The following NTRK2 variants were observed in gnomAD, a reference collection of about 807,000 sequenced individuals.
NTRK2 encodes neurotrophic receptor tyrosine kinase 2.
NTRK2 carries 13 observed loss-of-function variants against 94.5 expected under a neutral mutation model. That is an observed-to-expected ratio of 0.14 (90% CI 0.09 to 0.22). NTRK2 has a LOEUF of 0.22. Ranked by LOEUF, NTRK2 falls within the 10% of genes least tolerant of loss-of-function variation. The probability of loss-of-function intolerance (pLI) is 1.00; values close to 1 mark genes in which losing one functional copy is unlikely to be tolerated. For synonymous variants in NTRK2, 372 were observed against 407.4 expected (o/e 0.91, Z 1.05); for missense variants, 639 against 1,071.2 (o/e 0.60, Z 5.63).
chr9:84,778,767 C>T (rs1420119634), intron 12 of NTRK2, among the ~76,000 whole-genome samples: 1 of 152,202 alleles, frequency 6.6e-6, no homozygotes, highest in Admixed American at 6.5e-5. Context: ...TGTGCAGTTC[C>T]CGCTGGTGGA....
rs75430088 is a variant in NTRK2, at chr9:84,736,602, C to G, written c.1160-5290C>G. Among the ~76,000 whole-genome samples, 1,463 of 152,276 alleles carry G rather than the reference C, an allele frequency of 9.6e-3. 21 individuals are homozygous for G. Among genetic ancestry groups the G allele is most frequent in the African/African-American group, 0.033 (1,391 of 41,552 alleles). The stretch of plus-strand genomic sequence containing the variant: ...GGAGGTGAAGGAGAGAAATTTATGT[C>G]TGCTTTTCTGCCTTAAATAACTGAG... On this transcript the variant is annotated intron_variant, in intron 9 of 18. Coordinates refer to ENST00000277120, the MANE Select transcript of NTRK2 (RefSeq NM_006180.6).
chr9:84,783,329 A>T (rs893733652), intron 12 of NTRK2, among the ~76,000 whole-genome samples: 1 of 152,052 alleles, frequency 6.6e-6, no homozygotes, highest in Non-Finnish European at 1.5e-5. Context: ...ATGGTTTTGG[A>T]CTCTAAACAG....
At chr9:84,847,162 A>G (rs928898481) in intron 12 of NTRK2, among the ~76,000 whole-genome samples, 1 of 152,224 alleles carries the variant, frequency 6.6e-6, no homozygotes, top group African/African-American at 2.4e-5. Flanking sequence ...CCTGTCAAAC[A>G]TGCCTTTGAA....
At chr9:84,674,625 C>T (rs571685115) in intron 2 of NTRK2, among the ~76,000 whole-genome samples, 14 of 152,272 alleles carry the variant, frequency 9.2e-5, no homozygotes, top group Middle Eastern at 3.4e-3. Flanking sequence ...ATTTGGAGCA[C>T]GGTTACATAA....
At chr9:85,018,254 A>G (rs1267635252) in intron 17 of NTRK2, among the ~76,000 whole-genome samples, 1 of 152,214 alleles carries the variant, frequency 6.6e-6, no homozygotes, top group Non-Finnish European at 1.5e-5. Context: ...AAATGACACC[A>G]GACGTGTATA....
chr9:84,822,883 T>G (rs1357102246), intron 12 of NTRK2, among the ~76,000 whole-genome samples: 1 of 152,142 alleles, frequency 6.6e-6, no homozygotes, highest in Non-Finnish European at 1.5e-5. Context: ...ACGAGGTGCA[T>G]TCTCAACAGT....
intron 14 of NTRK2, among the ~76,000 whole-genome samples, chr9:84,901,520 C>T (rs1247223967): frequency 1.3e-5 from 2 of 152,098 alleles, no homozygotes; most frequent in Admixed American, 6.5e-5. Context: ...GTGTTAGCCA[C>T]CGCGCCCGAC....
At chr9:84,768,996 A>T (rs1191564225) in intron 12 of NTRK2, among the ~76,000 whole-genome samples, 1 of 152,116 alleles carries the variant, frequency 6.6e-6, no homozygotes, top group Non-Finnish European at 1.5e-5. Flanking sequence ...TAACCAACTT[A>T]ATAGGATTCT....
At chr9:84,760,621 G>T (rs907291126) in intron 12 of NTRK2, among the ~76,000 whole-genome samples, 2 of 151,982 alleles carry the variant, frequency 1.3e-5, no homozygotes, top group South Asian at 4.2e-4. Context: ...TAATTTTATT[G>T]TCCTCTGAAG....
chr9:84,820,981 G>A (rs1029742550), intron 12 of NTRK2, among the ~76,000 whole-genome samples: 6 of 152,088 alleles, frequency 3.9e-5, no homozygotes, highest in African/African-American at 1.4e-4. Flanking sequence ...TTTGTCTCTT[G>A]GGTGTCTCTA....
In NTRK2 at chr9:85,024,833, T is replaced by C. The variant is rs2118101884; in HGVS notation, c.*3396T>C. On this transcript the variant is annotated 3_prime_UTR_variant, in exon 19 of 19. Coordinates refer to ENST00000277120, the MANE Select transcript of NTRK2 (RefSeq NM_006180.6). ...ATTTAGAAAACACTTTGAACTATGC[T>C]ATAAAAGATTATATCAGAATTCATA... The C allele has an allele frequency of 4.3e-6, 1 of 233,028 alleles. No homozygotes were observed. The highest frequency in any genetic ancestry group is 8.5e-6 in the Non-Finnish European group (1 of 117,904). 14.4% of individuals were successfully genotyped at this position (233,028 alleles called of 1,614,324 possible).
At chr9:84,689,358 G>A (rs113796516) in intron 2 of NTRK2, among the ~76,000 whole-genome samples, 1,585 of 152,268 alleles carry the variant, frequency 0.01, 12 homozygotes, top group Non-Finnish European at 0.017. Flanking sequence ...TTAACCATTC[G>A]TGTGCTGAGC....
intron 5 of NTRK2, 105 bp from the exon 6 acceptor site, chr9:84,710,532 C>A: frequency 1.7e-6 from 2 of 1,201,738 alleles, no homozygotes; most frequent in Non-Finnish European, 2.5e-6. Flanking sequence ...GACTTCCAAG[C>A]ATTGCTGGCT....
At chr9:84,680,586 A>G (rs539847338) in intron 2 of NTRK2, among the ~76,000 whole-genome samples, 2 of 152,222 alleles carry the variant, frequency 1.3e-5, no homozygotes, top group South Asian at 2.1e-4. Flanking sequence ...GTTTCTTTCT[A>G]TTGTTCCACA....
intron 12 of NTRK2, among the ~76,000 whole-genome samples, chr9:84,830,863 A>G (rs1251344895): frequency 1.3e-5 from 2 of 152,100 alleles, no homozygotes; most frequent in Non-Finnish European, 2.9e-5. Context: ...ATTTCCTATA[A>G]TCCTGCCACC....
rs547951160 is a variant in NTRK2, at chr9:84,840,045, C to G, written c.1397-20995C>G. Among the ~76,000 whole-genome samples the G allele has an allele frequency of 2.6e-5, 4 of 152,268 alleles. No individual in the cohort carries two copies. The South Asian group carries it at 8.3e-4, about 32-fold the overall frequency. ...TTTCTTCCTCCTCCTCCTCCTCCCTCCTTTCTTAAAAATTTAGAAATAAAA... is the reference window on the plus strand; with the variant it reads ...TTTCTTCCTCCTCCTCCTCCTCCCTGCTTTCTTAAAAATTTAGAAATAAAA... On this transcript the variant is annotated intron_variant, in intron 12 of 18. Transcript: ENST00000277120.
At chr9:84,987,068 TA>T (rs971794181) in intron 17 of NTRK2, among the ~76,000 whole-genome samples, 6 of 152,226 alleles carry the variant, frequency 3.9e-5, no homozygotes, top group African/African-American at 1.4e-4. Flanking sequence ...ATATATTTGA[TA>T]CCTTTTGATT....
chr9:84,786,706 G>A (rs79082827), intron 12 of NTRK2, among the ~76,000 whole-genome samples: 6,124 of 152,202 alleles, frequency 0.04, 429 homozygotes, highest in African/African-American at 0.14. Context: ...AAGGCTTTAT[G>A]TTGCACATGT....
intron 7 of NTRK2, 119 bp downstream of exon 7, chr9:84,723,828 A>G (rs2062242436): frequency 1.4e-6 from 2 of 1,406,886 alleles, no homozygotes; most frequent in African/African-American, 1.4e-5. Flanking sequence ...AGAAATTTAC[A>G]AAGAGTTTTT....
Sources: allele counts gnomAD v4.1 joint callset (sites outside exome capture counted in the v4.1 genomes callset), GRCh38; gene constraint gnomAD v4.1.1; transcripts MANE v1.5; gene names NCBI Gene and HGNC (gene_info 2026-07-23, HGNC 2026-07-21).